Variants in EPS15L1 observed in about 807,000 individuals in gnomAD.
The protein encoded by EPS15L1 is epidermal growth factor receptor substrate 15-like 1.
A neutral mutation model predicts 117.1 loss-of-function variants in EPS15L1; 43 were observed. The observed-to-expected ratio is 0.37, with a 90% CI of 0.29 to 0.47. The LOEUF is 0.47. Among genes scored for constraint, EPS15L1 ranks in the 20% least tolerant of loss-of-function variants. The pLI, the probability that EPS15L1 is intolerant of heterozygous loss-of-function variation, is 0.99. For missense variants in EPS15L1, 981 were observed against 1,164.0 expected (o/e 0.84, Z 2.29); for synonymous variants, 459 against 470.5 (o/e 0.98, Z 0.32).
rs575163664 is a variant in EPS15L1 at position 16,398,391 on chromosome 19, G to A, written c.1792-2924C>T. On this transcript the variant is annotated intron_variant, in intron 16 of 23. Transcript: ENST00000455140. ...CAGATGTCCACAAGCACTGCAGCTG[G>A]AGACAGTGCTGAGTGGACGTCAGGT... Among the ~76,000 whole-genome samples, 3 of 152,346 alleles carry A rather than the reference G, an allele frequency of 2.0e-5. No individual in the cohort carries two copies. In the South Asian group the frequency reaches 6.2e-4, roughly 32 times the overall value.
In EPS15L1 at chr19:16,385,207, G is replaced by A; in HGVS notation, c.2169C>T (p.Pro723=). The A allele has an allele frequency of 6.2e-7, 1 of 1,614,062 alleles. No individual in the cohort carries two copies. The highest frequency in any genetic ancestry group is 1.1e-5 in the South Asian group (1 of 91,084). The change falls in exon 21 of 24, where the codon CCC becomes CCT. Residue 723 remains proline, a synonymous_variant. Transcript: ENST00000455140. The stretch of plus-strand genomic sequence containing the variant: ...TTCCGAAGGGATCTAAGGTTCCAAA[G>A]GGATCTGCAATCGGCACCAACAAAG... ...SSSVSSKGSD[P]FGTLDPFGSG...
At chr19:16,417,699 A>C in intron 11 of EPS15L1, 62 bp from the exon 12 acceptor site, 2 of 1,428,922 alleles carry the variant, frequency 1.4e-6, no homozygotes, top group South Asian at 1.2e-5. Context: ...GACAGGAGGC[A>C]CCAGCAGTTC....
In EPS15L1 at chr19:16,404,659, C is replaced by T; in HGVS notation, c.1357G>A (p.Asp453Asn). The T allele has an allele frequency of 6.2e-7, 1 of 1,614,202 alleles. No individual in the cohort carries two copies. The highest frequency in any genetic ancestry group is 8.5e-7 in the Non-Finnish European group (1 of 1,180,038). ...QDAQDRLDEM[D>N]QQKAKLRDML... ...TCTCGGAGCTTGGCCTTCTGCTGGTCCATCTCGTCCAGGCGGTCTTGAGCA... is the reference window on the plus strand; with the variant it reads ...TCTCGGAGCTTGGCCTTCTGCTGGTTCATCTCGTCCAGGCGGTCTTGAGCA... Residue 453 changes from aspartate (D) to asparagine (N), a missense_variant, in exon 14 of 24, where the codon GAC (aspartate) becomes AAC (asparagine). By Grantham distance (23) the Asp-to-Asn change is conservative (BLOSUM62 1). This residue lies in a region of EPS15L1 where 819 missense variants were observed against 949.0 expected (regional missense o/e 0.86). Coordinates refer to ENST00000455140, the MANE Select transcript of EPS15L1 (RefSeq NM_001258374.3). This position sits in a 1 kb window ranked among gnomAD's most constrained non-coding sequence, Gnocchi z 4.2.
chr19:16,413,175 T>C (rs979116174), intron 13 of EPS15L1: 9 of 660,478 alleles, frequency 1.4e-5, no homozygotes, highest in Non-Finnish European at 2.2e-5. Flanking sequence ...GGCCAAGCTC[T>C]CCATTGTCCC....
At chr19:16,471,983 G>A (rs916255514), upstream of EPS15L1, 7 of 1,259,190 alleles carry the variant, frequency 5.6e-6, no homozygotes, top group Non-Finnish European at 7.0e-6. The surrounding 1 kb of genome is among the most constrained non-coding windows in gnomAD (Gnocchi z 4.8). Context: ...CGGGGGAACG[G>A]GGGCGGGGCT....
chr19:16,437,724 C>T (rs1418571229), intron 5 of EPS15L1, 46 bp downstream of exon 5: 1 of 1,347,466 alleles, frequency 7.4e-7, no homozygotes, highest in South Asian at 1.2e-5. Context: ...CACACACACA[C>T]ATCTGGTATT....
intron 23 of EPS15L1, among the ~76,000 whole-genome samples, chr19:16,359,201 C>A (rs544120024): frequency 6.6e-6 from 1 of 152,286 alleles, no homozygotes; most frequent in Non-Finnish European, 1.5e-5. Flanking sequence ...GTCACGCTGC[C>A]AATCTGCCGG....
At chr19:16,437,612 T>C (rs2092990718) in intron 5 of EPS15L1, among the ~76,000 whole-genome samples, 158 bp downstream of exon 5, 1 of 152,232 alleles carries the variant, frequency 6.6e-6, no homozygotes, top group Non-Finnish European at 1.5e-5. Context: ...AATAGTTCAC[T>C]TTAAAATTAT....
At chr19:16,449,008 G>A (rs935324939) in intron 1 of EPS15L1, among the ~76,000 whole-genome samples, 5 of 151,960 alleles carry the variant, frequency 3.3e-5, no homozygotes, top group African/African-American at 1.2e-4. Context: ...GCATGGTGGT[G>A]CGTACCTGTA....
intron 1 of EPS15L1, among the ~76,000 whole-genome samples, chr19:16,462,044 G>A (rs1455055172): frequency 2.0e-5 from 3 of 152,178 alleles, no homozygotes. Context: ...GACCCTCCCG[G>A]AGCCCATGGT....
At chr19:16,441,089 A>T in intron 3 of EPS15L1, 180 bp from the exon 4 acceptor site, 1 of 670,428 alleles carries the variant, frequency 1.5e-6, no homozygotes. Flanking sequence ...AGGGGCGCAC[A>T]GCCAGTCAGC....
At chr19:16,413,943 G>T in intron 12 of EPS15L1, 98 bp from the exon 13 acceptor site, 2 of 868,064 alleles carry the variant, frequency 2.3e-6, no homozygotes, top group Non-Finnish European at 1.9e-6. Flanking sequence ...AAGCCCCTCT[G>T]TGTGCTGGCA....
At chr19:16,377,092 G>C in intron 22 of EPS15L1, 30 bp downstream of exon 22, 1 of 1,574,960 alleles carries the variant, frequency 6.3e-7, no homozygotes. Context: ...ACCGGTAGGC[G>C]GTGGCTGCGA....
chr19:16,420,296 C>T (rs987059726), intron 10 of EPS15L1, among the ~76,000 whole-genome samples: 2 of 152,232 alleles, frequency 1.3e-5, no homozygotes, highest in Non-Finnish European at 2.9e-5. Context: ...TTGCAGCATG[C>T]ATTATAAATT....
Position 16,393,984 on chromosome 19 carries a change from C to T in EPS15L1, c.1933G>A (p.Asp645Asn). ...DPFKGDPFQNDPFAEQQTTST... is the reference protein window; with the variant it reads ...DPFKGDPFQNNPFAEQQTTST... ...GTTGTCTGCTGTTCTGCAAAGGGGT[C>T]ATTCTGGAACGGGTCGCCTGGTTGG... is the stretch of plus-strand genomic sequence containing the variant. Residue 645 changes from aspartate to asparagine, a missense_variant, in exon 18 of 24, where the codon GAC becomes AAC. By Grantham distance (23) the Asp-to-Asn change is conservative. This residue lies in a region of EPS15L1 where 819 missense variants were observed against 949.0 expected (regional missense o/e 0.86). Coordinates refer to ENST00000455140, the MANE Select transcript of EPS15L1 (RefSeq NM_001258374.3). The T allele has an allele frequency of 6.2e-7, 1 of 1,614,104 alleles. No homozygotes were observed. Among genetic ancestry groups the T allele is most frequent in the Non-Finnish European group, 8.5e-7 (1 of 1,179,966 alleles).
intron 3 of EPS15L1, 144 bp from the exon 4 acceptor site, chr19:16,441,053 A>G (rs1387971085): frequency 2.5e-6 from 2 of 800,400 alleles, no homozygotes; most frequent in Non-Finnish European, 4.4e-6. Flanking sequence ...GAAGAAGCCA[A>G]TTCAGAGCAG....
At chr19:16,464,796 A>C (rs908737121) in intron 1 of EPS15L1, among the ~76,000 whole-genome samples, 1 of 150,638 alleles carries the variant, frequency 6.6e-6, no homozygotes, top group African/African-American at 2.4e-5. Context: ...GCTTTAAAAA[A>C]TTCACGGGTG....
intron 23 of EPS15L1, among the ~76,000 whole-genome samples, chr19:16,360,240 G>GT (rs763346139): frequency 9.9e-5 from 15 of 151,692 alleles, no homozygotes; most frequent in Admixed American, 3.9e-4. Flanking sequence ...GAAGAGTTCT[G>GT]TTTTTTTTAA....
chr19:16,452,801 T>A (rs947603771), intron 1 of EPS15L1, among the ~76,000 whole-genome samples: 10 of 151,974 alleles, frequency 6.6e-5, no homozygotes, highest in Non-Finnish European at 1.5e-4. Flanking sequence ...TTTTTTTATT[T>A]TTTTATTTTT....
Sources: allele counts gnomAD v4.1 joint callset (sites outside exome capture counted in the v4.1 genomes callset), GRCh38; gene constraint gnomAD v4.1.1; regional missense constraint gnomAD v4.1.1; non-coding constraint Gnocchi (gnomAD v3.1); transcripts MANE v1.5; gene names NCBI Gene and HGNC (gene_info 2026-07-23, HGNC 2026-07-21).